ZNF25: variants seen among roughly 807,000 people sequenced by gnomAD.
ZNF25 encodes the protein zinc finger protein 25 (KOX 19).
ZNF25 carries 21 observed loss-of-function variants against 30.9 expected under a neutral mutation model. The observed-to-expected ratio is 0.68, with a 90% CI of 0.48 to 0.98. The LOEUF (loss-of-function observed/expected upper bound fraction) is 0.98, where lower values mean the gene tolerates loss of function less well. Ranked by LOEUF, ZNF25 falls within the 50% of genes least tolerant of loss-of-function variation. The probability of loss-of-function intolerance (pLI) is 0.00; values close to 1 mark genes in which losing one functional copy is unlikely to be tolerated. For missense variants in ZNF25, 501 were observed against 529.9 expected, an observed-to-expected ratio of 0.95 and a Z score of 0.54; for synonymous variants, 169 against 181.3, an observed-to-expected ratio of 0.93 and a Z score of 0.55.
At chr10:37,953,477 A>T (rs1462107558) in intron 5 of ZNF25, 1 of 613,398 alleles carries the variant, frequency 1.6e-6, no homozygotes, top group East Asian at 2.7e-5. Context: ...TACTTAATTC[A>T]GAAGAGTAAA....
chr10:37,959,767 G>A (rs921112411), intron 2 of ZNF25, among the ~76,000 whole-genome samples: 6 of 151,740 alleles, frequency 4.0e-5, no homozygotes, highest in Non-Finnish European at 8.8e-5. Context: ...CCGCCACCAC[G>A]CCTGGCTAAT....
chr10:37,961,938 A>C (rs1590244652), intron 2 of ZNF25, among the ~76,000 whole-genome samples: 1 of 147,500 alleles, frequency 6.8e-6, no homozygotes, highest in East Asian at 2.1e-4. Flanking sequence ...AAAAAAAAAA[A>C]AAAAAACCTA....
Position 37,952,631 on chromosome 10 carries a change from C to G in ZNF25, c.867G>C (p.Lys289Asn). 1 of 1,611,132 alleles carries G rather than the reference C, an allele frequency of 6.2e-7. No homozygotes were observed. The highest frequency in any genetic ancestry group is 2.2e-5 in the East Asian group (1 of 44,672). ...MHTGEKPYKCKECGKFFSRNS... is the reference protein window; with the variant it reads ...MHTGEKPYKCNECGKFFSRNS... ...TCCTAGAGAAGAATTTCCCACATTC[C>G]TTACATTTATAGGGTTTCTCCCCTG... Residue 289 changes from lysine (K) to asparagine (N), a missense_variant, in exon 6 of 6, where the codon AAG becomes AAC. By Grantham distance (94) the Lys-to-Asn change is moderately conservative (BLOSUM62 0). Transcript: ENST00000302609.
At chr10:37,962,452 T>C (rs1394607380) in intron 2 of ZNF25, among the ~76,000 whole-genome samples, 1 of 152,164 alleles carries the variant, frequency 6.6e-6, no homozygotes, top group Non-Finnish European at 1.5e-5. Flanking sequence ...TGAAAGACCA[T>C]TTTCTGGGCC....
At chr10:37,970,179 A>G (rs964155010) in intron 2 of ZNF25, among the ~76,000 whole-genome samples, 1 of 152,212 alleles carries the variant, frequency 6.6e-6, no homozygotes, top group Non-Finnish European at 1.5e-5. Flanking sequence ...ATTTACTAGT[A>G]TATTGATCAC....
intron 1 of ZNF25, among the ~76,000 whole-genome samples, chr10:37,972,906 G>A (rs7081575): frequency 0.013 from 1,997 of 152,008 alleles, 44 homozygotes; most frequent in African/African-American, 0.045. Flanking sequence ...GGTGGCTCAC[G>A]CCTGTAATCC....
intron 2 of ZNF25, among the ~76,000 whole-genome samples, chr10:37,966,122 T>C (rs1220235136): frequency 3.9e-5 from 6 of 152,068 alleles, no homozygotes; most frequent in African/African-American, 1.2e-4. Context: ...CACATTGCTA[T>C]AAAGAACTAC....
chr10:37,957,513 A>T lies in ZNF25; in HGVS notation c.49T>A (p.Phe17Ile), dbSNP rs762822612. The change falls in exon 3 of 6, where the codon TTC becomes ATC. Residue 17 changes from phenylalanine to isoleucine, a missense_variant. Coordinates refer to ENST00000302609, the MANE Select transcript of ZNF25 (RefSeq NM_145011.4). ...AGTAACTTCCATTCTTCCTTGGTGA[A>T]TTCCACAATAACATCCTTTAATGTC... ...PVTLKDVIVEFTKEEWKLLTP... is the reference protein window; with the variant it reads ...PVTLKDVIVEITKEEWKLLTP... 16 of 1,613,726 alleles carry T rather than the reference A, an allele frequency of 9.9e-6. No homozygotes were observed. The African/African-American group carries it at 1.2e-4, about 12-fold the overall frequency.
rs191655685 is a variant in ZNF25, at chr10:37,963,740, C to A, written c.16-6194G>T. On this transcript the variant is annotated intron_variant, in intron 2 of 5. Coordinates refer to ENST00000302609, the MANE Select transcript of ZNF25 (RefSeq NM_145011.4). ...TTGTAATCCCAGCACTTTGGGAGGC[C>A]AAAGCAGGTGGATAACCTGAGGTCA... Among the ~76,000 whole-genome samples, 80 of 152,224 alleles carry A rather than the reference C, an allele frequency of 5.3e-4. 2 individuals are homozygous for A. In the East Asian group the frequency reaches 0.011, roughly 22 times the overall value.
chr10:37,973,061 G>T (rs1305134817), intron 1 of ZNF25, among the ~76,000 whole-genome samples: 1 of 151,990 alleles, frequency 6.6e-6, no homozygotes, highest in Non-Finnish European at 1.5e-5. Context: ...CCAGCTACTC[G>T]GGAGGCTGAG....
intron 4 of ZNF25, among the ~76,000 whole-genome samples, 173 bp downstream of exon 4, chr10:37,956,847 G>A (rs1414373720): frequency 6.6e-6 from 1 of 151,284 alleles, no homozygotes; most frequent in African/African-American, 2.4e-5. Flanking sequence ...CCTGGGAGGT[G>A]GAGGTTGCAG....
chr10:37,954,860 A>T (rs2062417359), intron 4 of ZNF25, among the ~76,000 whole-genome samples: 1 of 152,142 alleles, frequency 6.6e-6, no homozygotes, highest in Non-Finnish European at 1.5e-5. Context: ...ATGAAATAAG[A>T]TCATATGTAT....
At position 37,956,996 on chromosome 10, in the gene ZNF25, G is replaced by C. The variant is rs191577560; in HGVS notation, c.238+24C>G. On this transcript the variant is annotated intron_variant, in intron 4 of 5. Coordinates refer to ENST00000302609, the MANE Select transcript of ZNF25 (RefSeq NM_145011.4). ...GGCACCAACTACTCACCAGTAACAT[G>C]GGATATAATTTCTTCTAACTCACCA... 8.2e-5 allele frequency: 130 copies of C among 1,577,800 alleles called. No individual in the cohort carries two copies. In the East Asian group the frequency reaches 2.8e-3, roughly 35 times the overall value.
At position 37,952,333 on chromosome 10, in the gene ZNF25, G is replaced by A. The variant is rs369137150; in HGVS notation, c.1165C>T (p.Gln389Ter). 35 of 1,613,820 alleles carry A rather than the reference G, an allele frequency of 2.2e-5. No individual in the cohort carries two copies. Among genetic ancestry groups the A allele is most frequent in the Non-Finnish European group, 2.6e-5 (31 of 1,179,902 alleles). ...GGCTTCTCTCCTGTGTGAGTCCTTT[G>A]ATGTAATCTGAGGACTGAATTCACA... ...FAVNSVLRLH[Q>*]RTHTGEKPYA... Residue 389 changes from glutamine to a stop codon, truncating the protein, a stop_gained, in exon 6 of 6, where the codon CAA (glutamine) becomes TAA (stop). Transcript: ENST00000302609. LOFTEE classifies it low-confidence loss of function (END_TRUNC).
At position 37,963,132 on chromosome 10, in the gene ZNF25, T is replaced by TTTA. The variant is rs1564781708; in HGVS notation, c.16-5587_16-5586insTAA. 1.0e-2 allele frequency among the ~76,000 whole-genome samples: 1,516 copies of TTTA among 151,780 alleles called. 30 individuals carry two copies. Among genetic ancestry groups the TTTA allele is most frequent in the African/African-American group, 0.035 (1,431 of 41,334 alleles). On this transcript the variant is annotated intron_variant, in intron 2 of 5. Coordinates refer to ENST00000302609, the MANE Select transcript of ZNF25 (RefSeq NM_145011.4). ...TATTTATTTATTTATTTATTTATTT[T>TTTA]TTGAGACAGAGTCTTGCTCTGTCAC...
intron 2 of ZNF25, among the ~76,000 whole-genome samples, chr10:37,963,447 A>T (rs1262461185): frequency 6.6e-6 from 1 of 152,148 alleles, no homozygotes; most frequent in African/African-American, 2.4e-5. Flanking sequence ...ATAAAGAAAG[A>T]GGCTGCTAAA....
rs1346991168 is a variant in ZNF25, at chr10:37,953,463, T to C, written c.302+232A>G. 4 of 607,152 alleles carry C rather than the reference T, an allele frequency of 6.6e-6. No individual in the cohort carries two copies. In the African/African-American group the frequency reaches 7.4e-5, roughly 11 times the overall value. 37.6% of individuals were successfully genotyped at this position (607,152 alleles called of 1,614,324 possible). On this transcript the variant is annotated intron_variant, in intron 5 of 5. Coordinates refer to ENST00000302609, the MANE Select transcript of ZNF25 (RefSeq NM_145011.4). Reference sequence around the variant, plus strand: ...TATTTTGTGTAATAGAGACTCCCTTTCATTACTTAATTCAGAAGAGTAAAA... The same window carrying C: ...TATTTTGTGTAATAGAGACTCCCTTCCATTACTTAATTCAGAAGAGTAAAA...
At chr10:37,961,594 C>G (rs994478430) in intron 2 of ZNF25, among the ~76,000 whole-genome samples, 1 of 151,748 alleles carries the variant, frequency 6.6e-6, no homozygotes, top group Non-Finnish European at 1.5e-5. Flanking sequence ...TTAAAAGAAA[C>G]TACAAAAAAA....
At chr10:37,968,296 T>TC (rs2063299272) in intron 2 of ZNF25, among the ~76,000 whole-genome samples, 1 of 151,920 alleles carries the variant, frequency 6.6e-6, no homozygotes. Flanking sequence ...GACCTCGTGA[T>TC]CCGCCTGCCT....
Sources: gnomAD v4.1 joint callset for allele counts (sites outside exome capture counted in the v4.1 genomes callset) on GRCh38, gnomAD v4.1.1 for gene constraint, MANE v1.5 for transcripts, NCBI Gene and HGNC (gene_info 2026-07-23, HGNC 2026-07-21) for gene names.